The following SNX18 variants were observed in gnomAD, a reference collection of about 807,000 sequenced individuals.
SNX18 encodes sorting nexin 18, also known as sorting nexin-18.
Under a neutral mutation model 48.7 loss-of-function variants are expected in SNX18, and 35 were observed. That is an observed-to-expected ratio of 0.72 (90% CI 0.55 to 0.95). The LOEUF is 0.95. Among genes scored for constraint, SNX18 ranks in the 40% least tolerant of loss-of-function variants. The pLI, the probability that SNX18 is intolerant of heterozygous loss-of-function variation, is 0.00. For synonymous variants in SNX18, 492 were observed against 384.7 expected (o/e 1.28, Z -3.26); for missense variants, 824 against 871.0 (o/e 0.95, Z 0.68).
the SNX18 span, among the ~76,000 whole-genome samples, chr5:54,597,955 G>A: frequency 2.0e-5 from 3 of 152,066 alleles, no homozygotes; most frequent in East Asian, 5.8e-4. Flanking sequence ...TTCAGGAGCT[G>A]GTTTTTTGAA....
rs1394589155 is a variant in SNX18, at chr5:54,518,171, C to A, written c.219C>A (p.Gly73=). Residue 73 remains glycine (G), a synonymous_variant, in exon 1 of 2, where the codon GGC becomes GGA. Coordinates refer to ENST00000381410, the MANE Select transcript of SNX18 (RefSeq NM_001102575.2). Reference sequence around the variant, plus strand: ...GCCCGGCGGGAGACGGCGGCCCGGGCGCCCCGGCCCGCTACGCCAATGTGC... The same window carrying A: ...GCCCGGCGGGAGACGGCGGCCCGGGAGCCCCGGCCCGCTACGCCAATGTGC... The part of the protein sequence containing the change: ...EPGPAGDGGP[G]APARYANVPP... 1 of 1,382,262 alleles carries A rather than the reference C, an allele frequency of 7.2e-7. No homozygotes were observed. Among genetic ancestry groups the A allele is most frequent in the South Asian group, 1.7e-5 (1 of 60,488 alleles). The allele number at this position is 1,382,262 out of a possible 1,614,324, so 85.6% of individuals were successfully genotyped here.
chr5:54,586,570 A>T, the SNX18 span, among the ~76,000 whole-genome samples: 3 of 152,238 alleles, frequency 2.0e-5, no homozygotes, highest in East Asian at 5.8e-4. Context: ...CAAGACACGG[A>T]TTAAATCAAG....
the SNX18 span, among the ~76,000 whole-genome samples, chr5:54,575,752 C>G: frequency 6.6e-6 from 1 of 151,982 alleles, no homozygotes; most frequent in African/African-American, 2.4e-5. Context: ...GAGAGAACAC[C>G]CTTCTCACCA....
At chr5:54,557,783 A>C in the SNX18 span, among the ~76,000 whole-genome samples, 1 of 152,242 alleles carries the variant, frequency 6.6e-6, no homozygotes, top group African/African-American at 2.4e-5. Context: ...ATTTATAAAA[A>C]ATTTGAAAAA....
downstream of SNX18, among the ~76,000 whole-genome samples, chr5:54,550,572 A>G (rs1561125632): frequency 1.3e-5 from 2 of 152,310 alleles, no homozygotes; most frequent in South Asian, 4.1e-4. Flanking sequence ...GTGTTTGCTT[A>G]TATATGCGGT....
At chr5:54,570,680 C>T in the SNX18 span, among the ~76,000 whole-genome samples, 1 of 152,178 alleles carries the variant, frequency 6.6e-6, no homozygotes, top group African/African-American at 2.4e-5. Context: ...AGTAACTTGT[C>T]ACCACCAGCC....
chr5:54,605,116 T>C, the SNX18 span, among the ~76,000 whole-genome samples: 8 of 152,288 alleles, frequency 5.3e-5, no homozygotes, highest in East Asian at 1.2e-3. Flanking sequence ...CAGGAGACTT[T>C]TTCCAGTCAG....
chr5:54,518,402 CGAT>C lies in SNX18; in HGVS notation c.456_458del (p.Asp153del), dbSNP rs764968714. On this transcript the variant is annotated inframe_deletion, in exon 1 of 2. Transcript: ENST00000381410. ...GCGGCTACCAGGCCAGCCAAGGCAG[CGAT>C]GATGACTGGGACGACGAGTGGGACG... The C allele has an allele frequency of 7.0e-5, 111 of 1,584,792 alleles. No homozygotes were observed. The highest frequency in any genetic ancestry group is 8.7e-5 in the Non-Finnish European group (102 of 1,166,608).
the SNX18 span, among the ~76,000 whole-genome samples, chr5:54,580,277 G>A: frequency 1.4e-4 from 22 of 152,164 alleles, no homozygotes; most frequent in Non-Finnish European, 2.8e-4. Flanking sequence ...TTACAATGGT[G>A]TTTTATTTAT....
chr5:54,565,038 C>T, the SNX18 span, among the ~76,000 whole-genome samples: 7 of 152,168 alleles, frequency 4.6e-5, no homozygotes, highest in Admixed American at 1.3e-4. Flanking sequence ...CTGAGTCCTT[C>T]TCACATGGCA....
chr5:54,550,949 C>G (rs1762647009), downstream of SNX18, among the ~76,000 whole-genome samples: 1 of 151,342 alleles, frequency 6.6e-6, no homozygotes, highest in Admixed American at 6.6e-5. Flanking sequence ...TGTTTGCTTT[C>G]AGGAATGGGA....
At chr5:54,611,628 T>A in the SNX18 span, among the ~76,000 whole-genome samples, 1 of 152,176 alleles carries the variant, frequency 6.6e-6, no homozygotes, top group African/African-American at 2.4e-5. Flanking sequence ...GTCTTTCACT[T>A]GCCTGGAATG....
intron 1 of SNX18, among the ~76,000 whole-genome samples, chr5:54,525,651 T>A (rs1348109346): frequency 6.6e-6 from 1 of 152,202 alleles, no homozygotes; most frequent in Non-Finnish European, 1.5e-5. Context: ...TCCTCCTGGC[T>A]CCCCTCTAAC....
At chr5:54,632,694 T>C in the SNX18 span, among the ~76,000 whole-genome samples, 4 of 152,306 alleles carry the variant, frequency 2.6e-5, no homozygotes, top group East Asian at 5.8e-4. Flanking sequence ...TTTGTTGTGA[T>C]TTCTTCACAC....
At position 54,543,163 on chromosome 5, in the gene SNX18, T is replaced by G. The variant is rs1163043916; in HGVS notation, c.1622-16T>G. 1 of 1,602,282 alleles carries G rather than the reference T, an allele frequency of 6.2e-7. No homozygotes were observed. Among genetic ancestry groups the G allele is most frequent in the Admixed American group, 1.7e-5 (1 of 58,108 alleles). ...GGATATATAGGTTTTTAATTAATTG[T>G]TATTTTTAACTACAGGAGCTCTTAC... On this transcript the variant is annotated splice_polypyrimidine_tract_variant and intron_variant, in intron 1 of 1. Transcript: ENST00000381410.
the SNX18 span, among the ~76,000 whole-genome samples, chr5:54,595,876 C>T: frequency 1.3e-5 from 2 of 152,194 alleles, no homozygotes; most frequent in African/African-American, 4.8e-5. Flanking sequence ...CTGGTGGTTT[C>T]CCAGGCATGT....
chr5:54,629,072 T>G, the SNX18 span, among the ~76,000 whole-genome samples: 2 of 152,224 alleles, frequency 1.3e-5, no homozygotes, highest in African/African-American at 4.8e-5. Flanking sequence ...GGCTGCTTAT[T>G]AAATGCCTGT....
the SNX18 span, among the ~76,000 whole-genome samples, chr5:54,639,780 G>A: frequency 6.6e-6 from 1 of 150,850 alleles, no homozygotes; most frequent in Non-Finnish European, 1.5e-5. Context: ...AGCGTACTCA[G>A]AGAAGCGATT....
chr5:54,541,052 A>G (rs1762460009), intron 1 of SNX18, among the ~76,000 whole-genome samples: 2 of 148,978 alleles, frequency 1.3e-5, no homozygotes, highest in Non-Finnish European at 3.0e-5. Flanking sequence ...TTTGAGACAG[A>G]GTTTTGCTCT....
Sources: allele counts gnomAD v4.1 joint callset (sites outside exome capture counted in the v4.1 genomes callset), GRCh38; gene constraint gnomAD v4.1.1; transcripts MANE v1.5; gene names NCBI Gene and HGNC (gene_info 2026-07-23, HGNC 2026-07-21).